Variants in NOTCH3 observed in about 807,000 individuals in gnomAD.
NOTCH3 encodes the protein neurogenic locus notch homolog protein 3.
Under a neutral mutation model 213.3 loss-of-function variants are expected in NOTCH3, and 86 were observed. The ratio of observed to expected loss-of-function variants is 0.40; its 90% CI spans 0.34 to 0.48. The LOEUF is 0.48. NOTCH3 is among the 20% of genes least tolerant of loss of function. The pLI is 0.57. For missense variants in NOTCH3, 2,783 were observed against 3,272.6 expected (o/e 0.85, Z 3.65); for synonymous variants, 1,354 against 1,355.9 (o/e 1.00, Z 0.03).
rs1555730189 is a variant in NOTCH3, at chr19:15,197,537, G to A, written c.160C>T (p.Arg54Cys). Reference sequence around the variant, plus strand: ...TCCCGGGAGGGCAGCTGGGTGCAACGACCTCCATTTGCACACGGGCTTCCG... The same window carrying A: ...TCCCGGGAGGGCAGCTGGGTGCAACAACCTCCATTTGCACACGGGCTTCCG... ...LDGSPCANGGRCTQLPSREAA... is the reference protein window; with the variant it reads ...LDGSPCANGGCCTQLPSREAA... The change falls in exon 2 of 33, where the codon CGT (arginine) becomes TGT (cysteine). Residue 54 changes from arginine (R) to cysteine (C), a missense_variant. Transcript: ENST00000263388. 1 of 1,580,352 alleles carries A rather than the reference G, an allele frequency of 6.3e-7. No homozygotes were observed. The highest frequency in any genetic ancestry group is 8.6e-7 in the Non-Finnish European group (1 of 1,159,768).
rs1337660756 is a variant in NOTCH3 at position 15,188,949 on chromosome 19, C to G, written c.1378+40G>C. 1.9e-6 allele frequency: 3 copies of G among 1,586,790 alleles called. No individual in the cohort carries two copies. In the East Asian group the frequency reaches 6.9e-5, roughly 37 times the overall value. On this transcript the variant is annotated intron_variant, in intron 8 of 32. Coordinates refer to ENST00000263388, the MANE Select transcript of NOTCH3 (RefSeq NM_000435.3). Reference sequence around the variant, plus strand: ...ATCCGCGGGCTTCTCTGTCCCCGCCCCCTGCCTCAGGACCCGCCCAGGCCA... The same window carrying G: ...ATCCGCGGGCTTCTCTGTCCCCGCCGCCTGCCTCAGGACCCGCCCAGGCCA...
At position 15,161,192 on chromosome 19, in the gene NOTCH3, C is replaced by A; in HGVS notation, c.6436G>T (p.Ala2146Ser). The A allele has an allele frequency of 6.5e-7, 1 of 1,540,594 alleles. No individual in the cohort carries two copies. The highest frequency in any genetic ancestry group is 2.4e-5 in the East Asian group (1 of 41,656). Reference sequence around the variant, plus strand: ...CCAGGGGGCTGGCGCCCTAGACCCGCCCGGCCTGGGCCACCAAGCTGTGCC... The same window carrying A: ...CCAGGGGGCTGGCGCCCTAGACCCGACCGGCCTGGGCCACCAAGCTGTGCC... The part of the protein sequence containing the change: ...SLAQLGGPGR[A>S]GLGRQPPGGC... The change falls in exon 33 of 33, where the codon GCG becomes TCG. Residue 2146 changes from alanine (A) to serine (S), a missense_variant. Ala to Ser is a moderately conservative substitution (Grantham distance 99). This residue lies in a region of NOTCH3 where 441 missense variants were observed against 432.1 expected (regional missense o/e 1.02). Transcript: ENST00000263388.
chr19:15,195,483 C>A (rs1182186668), intron 2 of NOTCH3, among the ~76,000 whole-genome samples: 1 of 151,588 alleles, frequency 6.6e-6, no homozygotes, highest in Non-Finnish European at 1.5e-5. Context: ...CCACCCTCCG[C>A]CCCTGGCGCG....
At chr19:15,187,460 G>T in intron 10 of NOTCH3, 122 bp from the exon 11 acceptor site, 1 of 741,744 alleles carries the variant, frequency 1.3e-6, no homozygotes, top group Non-Finnish European at 2.2e-6. Flanking sequence ...CAGGAGGCGA[G>T]CTCAATACAG....
rs542505184 is a variant in NOTCH3, at chr19:15,185,654, A to G, written c.1977T>C (p.Asn659=). 1 of 1,613,446 alleles carries G rather than the reference A, an allele frequency of 6.2e-7. No homozygotes were observed. The highest frequency in any genetic ancestry group is 1.3e-5 in the African/African-American group (1 of 74,912). ...CGCCGCATGGGCTGGAAGCACACTCATTGATCTCCACGTTACAAAGGGGCC... is the reference window on the plus strand; with the variant it reads ...CGCCGCATGGGCTGGAAGCACACTCGTTGATCTCCACGTTACAAAGGGGCC... ...FTGPLCNVEI[N]ECASSPCGEG... The change falls in exon 13 of 33, where the codon AAT becomes AAC. Residue 659 remains asparagine (N), a synonymous_variant. Coordinates refer to ENST00000263388, the MANE Select transcript of NOTCH3 (RefSeq NM_000435.3). The surrounding 1 kb of genome is among the most constrained non-coding windows in gnomAD (Gnocchi z 4.2).
chr19:15,189,051 G>A lies in NOTCH3; in HGVS notation c.1316C>T (p.Pro439Leu), dbSNP rs1176100049. 2 of 1,613,032 alleles carry A rather than the reference G, an allele frequency of 1.2e-6. No individual in the cohort carries two copies. The highest frequency in any genetic ancestry group is 2.7e-5 in the African/African-American group (2 of 74,950). Reference protein sequence around the residue: ...ETDVNECLSGPCRNQATCLDR... With the variant: ...ETDVNECLSGLCRNQATCLDR... ...GAGGCACGTGGCCTGGTTTCGGCAGGGCCCCGACAGACACTCGTTGACATC... is the reference window on the plus strand; with the variant it reads ...GAGGCACGTGGCCTGGTTTCGGCAGAGCCCCGACAGACACTCGTTGACATC... Residue 439 changes from proline to leucine, a missense_variant, in exon 8 of 33, where the codon CCC becomes CTC. Pro to Leu is a moderately conservative substitution (Grantham distance 98, BLOSUM62 -3). This residue lies in a region of NOTCH3 where 708 missense variants were observed against 906.6 expected (regional missense o/e 0.78). Coordinates refer to ENST00000263388, the MANE Select transcript of NOTCH3 (RefSeq NM_000435.3).
chr19:15,197,441 G>GGGGGGGGCCCCCCCCCCCC, intron 2 of NOTCH3, 59 bp downstream of exon 2: 1 of 768,364 alleles, frequency 1.3e-6, no homozygotes, highest in Non-Finnish European at 2.3e-6. Flanking sequence ...AAGACAAATC[G>GGGGGGGGCCCCCCCCCCCC]CCCCTCCCCC....
At chr19:15,176,445 G>A (rs372659487) in intron 24 of NOTCH3, among the ~76,000 whole-genome samples, 1,278 of 2,652 alleles carry the variant, frequency 0.48, 8 homozygotes, top group Middle Eastern at 0.5. Flanking sequence ...TTACAGGCGT[G>A]AGCACTGTGC....
At position 15,165,401 on chromosome 19, in the gene NOTCH3, T is replaced by G; in HGVS notation, c.5782A>C (p.Ser1928Arg). The change falls in exon 31 of 33, where the codon AGC becomes CGC. Residue 1928 changes from serine (S) to arginine (R), a missense_variant. Ser to Arg is a moderately radical substitution (Grantham distance 110). This residue lies in a region of NOTCH3 where 636 missense variants were observed against 801.8 expected (regional missense o/e 0.79). Coordinates refer to ENST00000263388, the MANE Select transcript of NOTCH3 (RefSeq NM_000435.3). The surrounding 1 kb of genome is among the most constrained non-coding windows in gnomAD (Gnocchi z 4.7). The stretch of plus-strand genomic sequence containing the variant: ...TCCACAGCATTGACATCAGCATGGC[T>G]GGCGATGAGCTCTTCCACCATGCCC... ...VEGMVEELIA[S>R]HADVNAVDEL... 1.2e-6 allele frequency: 2 copies of G among 1,609,896 alleles called. No homozygotes were observed. The highest frequency in any genetic ancestry group is 8.5e-7 in the Non-Finnish European group (1 of 1,180,012).
At chr19:15,168,836 A>AAAATAAAT (rs200875006) in intron 28 of NOTCH3, among the ~76,000 whole-genome samples, 14 of 152,168 alleles carry the variant, frequency 9.2e-5, no homozygotes, top group African/African-American at 2.4e-4. Context: ...CTGGTCTCAA[A>AAAATAAAT]AAATAAATAA....
chr19:15,169,157 T>G (rs927407624), intron 28 of NOTCH3, among the ~76,000 whole-genome samples: 2 of 150,726 alleles, frequency 1.3e-5, no homozygotes, highest in African/African-American at 4.9e-5. Flanking sequence ...ATTGGTATCC[T>G]TACAAGAAGA....
intron 12 of NOTCH3, among the ~76,000 whole-genome samples, chr19:15,186,675 G>A (rs1052355289): frequency 2.0e-5 from 3 of 152,192 alleles, no homozygotes; most frequent in African/African-American, 7.2e-5. Flanking sequence ...AGAGCGCTGG[G>A]ATTACAGGCG....
chr19:15,188,441 C>G, intron 8 of NOTCH3, 93 bp from the exon 9 acceptor site: 1 of 823,820 alleles, frequency 1.2e-6, no homozygotes, highest in Non-Finnish European at 2.0e-6. Context: ...TACTCATCGA[C>G]AAATCCCCCG....
At position 15,189,313 on chromosome 19, in the gene NOTCH3, C is replaced by A. The variant is rs1250032362; in HGVS notation, c.1152G>T (p.Thr384=). 1 of 1,614,076 alleles carries A rather than the reference C, an allele frequency of 6.2e-7. No homozygotes were observed. The highest frequency in any genetic ancestry group is 2.2e-5 in the East Asian group (1 of 44,880). The part of the protein sequence containing the change: ...RAICTCPPGF[T]GGACDQDVDE... ...CCACATCCTGGTCACATGCCCCACC[C>A]GTGAAGCCGGGAGGACAGGTGCAAA... The change falls in exon 7 of 33, where the codon ACG becomes ACT. Residue 384 remains threonine, a synonymous_variant. Transcript: ENST00000263388.
chr19:15,173,703 T>G (rs1011213940), intron 25 of NOTCH3, among the ~76,000 whole-genome samples: 3 of 139,170 alleles, frequency 2.2e-5, no homozygotes, highest in African/African-American at 8.4e-5. Context: ...CACTCCAGCC[T>G]GGGCGACAGA....
Position 15,177,844 on chromosome 19 carries a change from C to T in NOTCH3, c.4084G>A (p.Ala1362Thr), listed in dbSNP as rs1484574156. 3.3e-6 allele frequency: 4 copies of T among 1,220,096 alleles called. No homozygotes were observed. The South Asian group carries it at 1.5e-4, about 46-fold the overall frequency. The allele number at this position is 1,220,096 out of a possible 1,614,324, so 75.6% of individuals were successfully genotyped here. A position where few individuals can be genotyped will look rare whatever the true frequency, so the allele number is the denominator to read the frequency against. ...PAPLAPFFRC[A>T]CAQGWTGPRC... Reference sequence around the variant, plus strand: ...GGCCCGGTCCAGCCCTGCGCGCAAGCGCAGCGGAAGAAGGGCGCGAGCGGC... The same window carrying T: ...GGCCCGGTCCAGCCCTGCGCGCAAGTGCAGCGGAAGAAGGGCGCGAGCGGC... The change falls in exon 24 of 33, where the codon GCT (alanine) becomes ACT (threonine). Residue 1362 changes from alanine to threonine, a missense_variant. By Grantham distance (58) the Ala-to-Thr change is moderately conservative (BLOSUM62 0). Transcript: ENST00000263388.
intron 6 of NOTCH3, among the ~76,000 whole-genome samples, chr19:15,190,283 A>G (rs1262948182): frequency 6.6e-6 from 1 of 152,202 alleles, no homozygotes; most frequent in Admixed American, 6.5e-5. Context: ...CAAAAATAAA[A>G]TAAAATAAAT....
At position 15,177,885 on chromosome 19, in the gene NOTCH3, C is replaced by G. The variant is rs1402464203; in HGVS notation, c.4043G>C (p.Gly1348Ala). 1 of 1,242,504 alleles carries G rather than the reference C, an allele frequency of 8.0e-7. No homozygotes were observed. Among genetic ancestry groups the G allele is most frequent in the African/African-American group, 1.6e-5 (1 of 63,638 alleles). The allele number at this position is 1,242,504 out of a possible 1,614,324, so 77.0% of individuals were successfully genotyped here. ...CGCGAGCGGCGCGGGGCGGCAGGAGCCCCCGTGGAGACAGGGGGCGGCCGC... is the reference window on the plus strand; with the variant it reads ...CGCGAGCGGCGCGGGGCGGCAGGAGGCCCCGTGGAGACAGGGGGCGGCCGC... ...SCAAAPCLHG[G>A]SCRPAPLAPF... The change falls in exon 24 of 33, where the codon GGC becomes GCC. Residue 1348 changes from glycine to alanine, a missense_variant. Gly to Ala is a moderately conservative substitution (Grantham distance 60). This residue lies in a region of NOTCH3 where 133 missense variants were observed against 201.9 expected (regional missense o/e 0.66). Coordinates refer to ENST00000263388, the MANE Select transcript of NOTCH3 (RefSeq NM_000435.3).
Position 15,159,775 on chromosome 19 carries a change from G to C in NOTCH3, c.*887C>G, listed in dbSNP as rs759045817. The stretch of plus-strand genomic sequence containing the variant: ...AAAAATACCTCTATTCTGCCATGAG[G>C]CTGGGCCAGAGGATTACCAGGAAGA... On this transcript the variant is annotated 3_prime_UTR_variant, in exon 33 of 33. Transcript: ENST00000263388. 2 of 233,302 alleles carry C rather than the reference G, an allele frequency of 8.6e-6. No individual in the cohort carries two copies. The highest frequency in any genetic ancestry group is 6.0e-5 in the East Asian group (1 of 16,582). 14.5% of individuals were successfully genotyped at this position (233,302 alleles called of 1,614,324 possible). A position where few individuals can be genotyped will look rare whatever the true frequency, so the allele number is the denominator to read the frequency against.
Sources: allele counts gnomAD v4.1 joint callset (sites outside exome capture counted in the v4.1 genomes callset), GRCh38; gene constraint gnomAD v4.1.1; regional missense constraint gnomAD v4.1.1; non-coding constraint Gnocchi (gnomAD v3.1); transcripts MANE v1.5; gene names NCBI Gene and HGNC (gene_info 2026-07-23, HGNC 2026-07-21).